The following MLLT3 variants were observed in gnomAD, a reference collection of about 807,000 sequenced individuals.
MLLT3 encodes protein AF-9.
Under a neutral mutation model 53.2 loss-of-function variants are expected in MLLT3, and 4 were observed. The ratio of observed to expected loss-of-function variants is 0.08; its 90% CI spans 0.04 to 0.17. The LOEUF (loss-of-function observed/expected upper bound fraction) is 0.17, where lower values mean the gene tolerates loss of function less well. Ranked by LOEUF, MLLT3 falls within the 10% of genes least tolerant of loss-of-function variation. The pLI is 1.00. For missense variants in MLLT3, 569 were observed against 684.0 expected, an observed-to-expected ratio of 0.83 and a Z score of 1.87; for synonymous variants, 283 against 230.6, an observed-to-expected ratio of 1.23 and a Z score of -2.06.
intron 3 of MLLT3, among the ~76,000 whole-genome samples, chr9:20,451,531 AT>A (rs529343659): frequency 1.3e-5 from 2 of 152,134 alleles, no homozygotes; most frequent in East Asian, 3.9e-4. Flanking sequence ...TTTTTTAAAG[AT>A]TTTTTTTAAG....
Position 20,486,516 on chromosome 9 carries a change from A to G in MLLT3, c.194-29730T>C, listed in dbSNP as rs1293950495. Among the ~76,000 whole-genome samples, 3 of 152,306 alleles carry G rather than the reference A, an allele frequency of 2.0e-5. No homozygotes were observed. The East Asian group carries it at 5.8e-4, about 29-fold the overall frequency. ...ATCCTATCCTCTACAGGCCAACATT[A>G]AAGCATACTAACTGGCAAACCTCCA... On this transcript the variant is annotated intron_variant, in intron 2 of 10. Transcript: ENST00000380338.
intron 5 of MLLT3, chr9:20,411,751 CT>C (rs1822734198): frequency 6.6e-6 from 1 of 152,082 alleles, no homozygotes; most frequent in Non-Finnish European, 1.5e-5. Flanking sequence ...GGAAGACATA[CT>C]TTATAAATCA....
intron 2 of MLLT3, among the ~76,000 whole-genome samples, chr9:20,575,206 A>C (rs1016265424): frequency 6.6e-6 from 1 of 152,192 alleles, no homozygotes; most frequent in Non-Finnish European, 1.5e-5. Flanking sequence ...TATTCGTGTT[A>C]ATGTTCTGAC....
chr9:20,531,078 G>C (rs1240133299), intron 2 of MLLT3, among the ~76,000 whole-genome samples: 2 of 136,542 alleles, frequency 1.5e-5, no homozygotes, highest in Non-Finnish European at 3.1e-5. Flanking sequence ...TTTGCTTTTA[G>C]CTTTTTTTTT....
At chr9:20,565,399 C>A (rs1293411916) in intron 2 of MLLT3, among the ~76,000 whole-genome samples, 1 of 152,078 alleles carries the variant, frequency 6.6e-6, no homozygotes, top group Non-Finnish European at 1.5e-5. Context: ...GAATAACTTA[C>A]CAACTCACTG....
intron 2 of MLLT3, among the ~76,000 whole-genome samples, chr9:20,525,836 T>A (rs775626592): frequency 3.9e-5 from 6 of 152,228 alleles, no homozygotes; most frequent in Non-Finnish European, 7.3e-5. Context: ...CCGATTGTAG[T>A]CTAGGTTGAA....
chr9:20,513,176 AG>A (rs1416285793), intron 2 of MLLT3, among the ~76,000 whole-genome samples: 1 of 152,152 alleles, frequency 6.6e-6, no homozygotes, highest in Non-Finnish European at 1.5e-5. Context: ...CTAATGCCTA[AG>A]TGTCTGACCT....
chr9:20,535,300 C>T (rs892475780), intron 2 of MLLT3, among the ~76,000 whole-genome samples: 6 of 152,084 alleles, frequency 3.9e-5, no homozygotes, highest in African/African-American at 1.4e-4. Context: ...CAGTTTCATC[C>T]CGAAACCATC....
At chr9:20,483,698 C>CTTTTTTTTTTTTTTTTTTTTTTTT (rs10538657) in intron 2 of MLLT3, among the ~76,000 whole-genome samples, 2 of 68,944 alleles carry the variant, frequency 2.9e-5, no homozygotes, top group Non-Finnish European at 5.1e-5. Flanking sequence ...CAGTAAAACT[C>CTTTTTTTTTTTTTTTTTTTTTTTT]TTTTTTTTTT....
intron 2 of MLLT3, among the ~76,000 whole-genome samples, chr9:20,473,826 T>G (rs977093416): frequency 4.6e-5 from 7 of 152,128 alleles, no homozygotes; most frequent in African/African-American, 1.2e-4. Flanking sequence ...CTGGCTCATA[T>G]ACAACAATGA....
chr9:20,617,037 T>C (rs1820848738), intron 2 of MLLT3, among the ~76,000 whole-genome samples: 1 of 152,190 alleles, frequency 6.6e-6, no homozygotes, highest in South Asian at 2.1e-4. Context: ...TGGAAAATTA[T>C]ACTTTATGTG....
rs1233138492 is a variant in MLLT3, at chr9:20,353,705, A to G, written c.1504-109T>C. On this transcript the variant is annotated intron_variant, in intron 9 of 10. Coordinates refer to ENST00000380338, the MANE Select transcript of MLLT3 (RefSeq NM_004529.4). ...AGGCAGCAGCAGCTGGAGGTTTCTCATTACACCACTCTAGCCCAGGCTGTG... is the reference window on the plus strand; with the variant it reads ...AGGCAGCAGCAGCTGGAGGTTTCTCGTTACACCACTCTAGCCCAGGCTGTG... 14 of 902,646 alleles carry G rather than the reference A, an allele frequency of 1.6e-5. No homozygotes were observed. In the Admixed American group the frequency reaches 2.5e-4, roughly 16 times the overall value. The allele number at this position is 902,646 out of a possible 1,614,324, so 55.9% of individuals were successfully genotyped here. A position where few individuals can be genotyped will look rare whatever the true frequency, so the allele number is the denominator to read the frequency against.
intron 2 of MLLT3, among the ~76,000 whole-genome samples, chr9:20,464,627 G>A (rs1359140669): frequency 6.6e-6 from 1 of 151,936 alleles, no homozygotes; most frequent in Non-Finnish European, 1.5e-5. Flanking sequence ...CCTCTTTAAG[G>A]AAGTGGCATT....
Position 20,365,699 on chromosome 9 carries a change from T to C in MLLT3, c.1171A>G (p.Ser391Gly). 1 of 1,614,068 alleles carries C rather than the reference T, an allele frequency of 6.2e-7. No homozygotes were observed. The highest frequency in any genetic ancestry group is 8.5e-7 in the Non-Finnish European group (1 of 1,179,916). ...PASSSSSSSS[S>G]FTPSQTRQQG... Reference sequence around the variant, plus strand: ...TGCCTGGTCTGGGATGGTGTGAAGCTGGAGCTGGAGCTGGAGCTGGAGCTG... The same window carrying C: ...TGCCTGGTCTGGGATGGTGTGAAGCCGGAGCTGGAGCTGGAGCTGGAGCTG... The change falls in exon 6 of 11, where the codon AGC (serine) becomes GGC (glycine). Residue 391 changes from serine to glycine, a missense_variant. Around this residue, in one of 5 missense-constraint regions of MLLT3, gnomAD observed 437 missense variants for 376.5 expected, o/e 1.16. Transcript: ENST00000380338.
intron 2 of MLLT3, among the ~76,000 whole-genome samples, chr9:20,462,215 A>G (rs1286808467): frequency 6.6e-6 from 1 of 152,252 alleles, no homozygotes. Flanking sequence ...AAAAGCACAC[A>G]CAAAAAGATT....
intron 2 of MLLT3, among the ~76,000 whole-genome samples, chr9:20,601,462 A>ACC (rs1439094929): frequency 1.3e-5 from 2 of 152,208 alleles, no homozygotes; most frequent in Admixed American, 1.3e-4. Flanking sequence ...GACTGTTCTT[A>ACC]CCCCAAGCTA....
chr9:20,466,046 A>T (rs1346791477), intron 2 of MLLT3, among the ~76,000 whole-genome samples: 1 of 152,156 alleles, frequency 6.6e-6, no homozygotes, highest in Non-Finnish European at 1.5e-5. Flanking sequence ...GATTCTACAA[A>T]AAGGGTATTT....
At chr9:20,570,629 A>G (rs1819509597) in intron 2 of MLLT3, among the ~76,000 whole-genome samples, 2 of 152,182 alleles carry the variant, frequency 1.3e-5, no homozygotes, top group African/African-American at 4.8e-5. Flanking sequence ...CAATTTTTGT[A>G]TTTGTCAGAA....
At chr9:20,347,915 C>A (rs542561871) in intron 10 of MLLT3, among the ~76,000 whole-genome samples, 1 of 152,248 alleles carries the variant, frequency 6.6e-6, no homozygotes, top group Admixed American at 6.5e-5. Flanking sequence ...AACTTTTAAC[C>A]TTCTCTTCTT....
Sources: gnomAD v4.1 joint callset for allele counts (sites outside exome capture counted in the v4.1 genomes callset) on GRCh38, gnomAD v4.1.1 for gene constraint, gnomAD v4.1.1 regional missense constraint, MANE v1.5 for transcripts, NCBI Gene and HGNC (gene_info 2026-07-23, HGNC 2026-07-21) for gene names.